Variants in ST6GAL1 observed in about 807,000 individuals in gnomAD.
The protein encoded by ST6GAL1 is ST6 beta-galactoside alpha-2,6-sialyltransferase 1.
Under a neutral mutation model 38.0 loss-of-function variants are expected in ST6GAL1, and 20 were observed. The ratio of observed to expected loss-of-function variants is 0.53; its 90% CI spans 0.37 to 0.77. The LOEUF (loss-of-function observed/expected upper bound fraction) is 0.77. Ranked by LOEUF, ST6GAL1 falls within the 30% of genes least tolerant of loss-of-function variation. ST6GAL1 has a pLI of 0.00. For synonymous variants in ST6GAL1, 196 were observed against 188.2 expected (o/e 1.04, Z -0.34); for missense variants, 432 against 496.4 (o/e 0.87, Z 1.23).
At position 187,075,962 on chromosome 3, in the gene ST6GAL1, G is replaced by A; in HGVS notation, c.*159G>A. 8.7e-7 allele frequency: 1 copy of A among 1,151,824 alleles called. No homozygotes were observed. The highest frequency in any genetic ancestry group is 1.2e-6 in the Non-Finnish European group (1 of 838,828). The allele number at this position is 1,151,824 out of a possible 1,614,324, so 71.4% of individuals were successfully genotyped here. On this transcript the variant is annotated 3_prime_UTR_variant, in exon 8 of 8. Transcript: ENST00000169298. This position sits in a 1 kb window ranked among gnomAD's most constrained non-coding sequence, Gnocchi z 4.1. ...GGGGACTTCAAGAGCCTGTGGTCAG[G>A]AAATCAGGTCCAGCCTTCCCTGTAG...
intron 5 of ST6GAL1, among the ~76,000 whole-genome samples, chr3:187,070,613 C>T (rs1432153233): frequency 1.3e-5 from 2 of 151,670 alleles, no homozygotes; most frequent in East Asian, 1.9e-4. Flanking sequence ...TCAGTAGAGA[C>T]GGGGTTTCAC....
In ST6GAL1 at chr3:186,970,594, C is replaced by T. The variant is rs911594761; in HGVS notation, c.-183+6668C>T. On this transcript the variant is annotated intron_variant, in intron 2 of 7. Transcript: ENST00000169298. The stretch of plus-strand genomic sequence containing the variant: ...CTTTTTTGTCACCCTGCCCCCACCT[C>T]TGTTTTTCACTTCTATAATTTTGCC... Among the ~76,000 whole-genome samples the T allele has an allele frequency of 6.5e-4, 81 of 124,744 alleles. 1 individual carries two copies. The highest frequency in any genetic ancestry group is 5.7e-4 in the South Asian group (2 of 3,502). The allele number at this position is 124,744 out of a possible 152,430, so 81.8% of individuals were successfully genotyped here. A position where few individuals can be genotyped will look rare whatever the true frequency, so the allele number is the denominator to read the frequency against.
At chr3:187,002,748 G>T (rs1716662140) in intron 2 of ST6GAL1, among the ~76,000 whole-genome samples, 1 of 152,160 alleles carries the variant, frequency 6.6e-6, no homozygotes, top group Admixed American at 6.5e-5. Flanking sequence ...TGATTCAGAT[G>T]ATTCTGAATC....
At chr3:187,069,612 T>C (rs1431459780) in intron 5 of ST6GAL1, among the ~76,000 whole-genome samples, 1 of 152,288 alleles carries the variant, frequency 6.6e-6, no homozygotes, top group East Asian at 1.9e-4. Context: ...TTCTTTGTGG[T>C]CTTCTTTTTT....
chr3:186,947,313 G>A (rs1282507449), intron 1 of ST6GAL1, among the ~76,000 whole-genome samples: 1 of 152,176 alleles, frequency 6.6e-6, no homozygotes. Context: ...AAGTGCAATG[G>A]TACAGAGAAG....
At chr3:186,977,905 C>G (rs1387221678) in intron 2 of ST6GAL1, among the ~76,000 whole-genome samples, 1 of 152,104 alleles carries the variant, frequency 6.6e-6, no homozygotes, top group African/African-American at 2.4e-5. Flanking sequence ...CTTGTTATTG[C>G]CATTTAATAG....
chr3:186,987,973 T>C (rs1716011663), intron 2 of ST6GAL1, among the ~76,000 whole-genome samples: 1 of 152,248 alleles, frequency 6.6e-6, no homozygotes, highest in Admixed American at 6.5e-5. Flanking sequence ...CAGTCATGCC[T>C]AGCTTCTCAT....
At position 186,996,839 on chromosome 3, in the gene ST6GAL1, C is replaced by T. The variant is rs891736656; in HGVS notation, c.-183+32913C>T. Among the ~76,000 whole-genome samples, 7 of 151,864 alleles carry T rather than the reference C, an allele frequency of 4.6e-5. No homozygotes were observed. In the East Asian group the frequency reaches 5.8e-4, roughly 13 times the overall value. Reference sequence around the variant, plus strand: ...AGTCCTTCCTGTTGGCCACTACATACGTGTCCCCCGCTTCTTGCCCCTCTC... The same window carrying T: ...AGTCCTTCCTGTTGGCCACTACATATGTGTCCCCCGCTTCTTGCCCCTCTC... On this transcript the variant is annotated intron_variant, in intron 2 of 7. Transcript: ENST00000169298.
intron 2 of ST6GAL1, among the ~76,000 whole-genome samples, chr3:186,972,793 G>C (rs550318353): frequency 6.6e-6 from 1 of 152,152 alleles, no homozygotes; most frequent in African/African-American, 2.4e-5. Context: ...CCCTATAGCT[G>C]GGCAAACACC....
At chr3:187,067,232 G>A (rs987751056) in intron 5 of ST6GAL1, among the ~76,000 whole-genome samples, 1 of 151,204 alleles carries the variant, frequency 6.6e-6, no homozygotes, top group African/African-American at 2.4e-5. Flanking sequence ...GATTTCAGGT[G>A]CCCGCCACCA....
At chr3:186,986,972 C>G (rs1715945190) in intron 2 of ST6GAL1, among the ~76,000 whole-genome samples, 1 of 94,766 alleles carries the variant, frequency 1.1e-5, no homozygotes, top group African/African-American at 3.9e-5. Flanking sequence ...TCTTTCTTTC[C>G]TTTTAAAAAA....
At chr3:186,932,804 T>G (rs1713806293) in intron 1 of ST6GAL1, among the ~76,000 whole-genome samples, 1 of 152,232 alleles carries the variant, frequency 6.6e-6, no homozygotes. Flanking sequence ...TGCTTATTTT[T>G]GTATTTGGCA....
chr3:187,018,325 A>G (rs948374005), intron 2 of ST6GAL1, among the ~76,000 whole-genome samples: 2 of 151,992 alleles, frequency 1.3e-5, no homozygotes, highest in African/African-American at 4.8e-5. Flanking sequence ...GTAGAACCTG[A>G]TTTTTGGGAG....
chr3:186,931,160 GT>G (rs983787182), intron 1 of ST6GAL1: 2 of 9,682 alleles, frequency 2.1e-4, no homozygotes, highest in East Asian at 2.8e-3. Context: ...GTGGGGTGGC[GT>G]GGGGGCATTG....
At chr3:187,009,172 CT>C (rs966043651) in intron 2 of ST6GAL1, among the ~76,000 whole-genome samples, 2 of 141,106 alleles carry the variant, frequency 1.4e-5, no homozygotes, top group Admixed American at 7.6e-5. Flanking sequence ...TTATAATATT[CT>C]TTATTTATTC....
rs912605717 is a variant in ST6GAL1, at chr3:187,050,400, T to C, written c.608-849T>C. 3.3e-5 allele frequency among the ~76,000 whole-genome samples: 5 copies of C among 152,316 alleles called. No individual in the cohort carries two copies. In the East Asian group the frequency reaches 7.7e-4, roughly 24 times the overall value. On this transcript the variant is annotated intron_variant, in intron 4 of 7. Transcript: ENST00000169298. ...GGTCAACGTGGGGTAGAGAAACTTT[T>C]CCAAGTCTTCCAAACACTGCTTAAA...
chr3:187,042,934 C>A lies in ST6GAL1; in HGVS notation c.231C>A (p.Thr77=). 1.2e-6 allele frequency: 2 copies of A among 1,614,188 alleles called. No individual in the cohort carries two copies. Among genetic ancestry groups the A allele is most frequent in the Non-Finnish European group, 1.7e-6 (2 of 1,180,034 alleles). The part of the protein sequence containing the change: ...STQDPHRGRQ[T]LGSLRGLAKA... Reference sequence around the variant, plus strand: ...AGGACCCCCACAGGGGCCGCCAGACCCTCGGCAGTCTCAGAGGCCTAGCCA... The same window carrying A: ...AGGACCCCCACAGGGGCCGCCAGACACTCGGCAGTCTCAGAGGCCTAGCCA... The change falls in exon 4 of 8, where the codon ACC becomes ACA. Residue 77 remains threonine (T), a synonymous_variant. Transcript: ENST00000169298.
chr3:187,076,527 G>T lies in ST6GAL1; in HGVS notation c.*724G>T. On this transcript the variant is annotated 3_prime_UTR_variant, in exon 8 of 8. Coordinates refer to ENST00000169298, the MANE Select transcript of ST6GAL1 (RefSeq NM_173216.2). ...GGCAGACATCTGAACAGGCAGGTAG[G>T]ATTCAGTGTGCTCAGTGCACTGGGG... 1 of 285,862 alleles carries T rather than the reference G, an allele frequency of 3.5e-6. No homozygotes were observed. 17.7% of individuals were successfully genotyped at this position (285,862 alleles called of 1,614,324 possible).
chr3:187,071,485 C>T (rs989599908), intron 5 of ST6GAL1, among the ~76,000 whole-genome samples: 1 of 151,268 alleles, frequency 6.6e-6, no homozygotes, highest in Non-Finnish European at 1.5e-5. Flanking sequence ...CGCGGTGGCT[C>T]ATGCCTGTAA....
Sources: gnomAD v4.1 joint callset for allele counts (sites outside exome capture counted in the v4.1 genomes callset) on GRCh38, gnomAD v4.1.1 for gene constraint, Gnocchi (gnomAD v3.1) non-coding constraint, MANE v1.5 for transcripts, NCBI Gene and HGNC (gene_info 2026-07-23, HGNC 2026-07-21) for gene names.